The following SPG7 variants were observed in gnomAD, a reference collection of about 807,000 sequenced individuals.
SPG7 encodes mitochondrial inner membrane m-AAA protease component paraplegin.
In SPG7, 103 loss-of-function variants were observed where a neutral mutation model predicts 81.9. The observed-to-expected ratio is 1.26, with a 90% confidence interval of 1.07 to 1.48. The LOEUF is 1.48. Among genes scored for constraint, SPG7 ranks in the 40% most tolerant of loss-of-function variants. The pLI is 0.00. For missense variants in SPG7, 1,241 were observed against 1,087.3 expected, an observed-to-expected ratio of 1.14 and a Z score of -1.99; for synonymous variants, 534 against 444.2, an observed-to-expected ratio of 1.20 and a Z score of -2.54.
intron 2 of SPG7, among the ~76,000 whole-genome samples, chr16:89,511,915 T>A (rs535999287): frequency 6.6e-6 from 1 of 150,668 alleles, no homozygotes; most frequent in Non-Finnish European, 1.5e-5. Flanking sequence ...TGTTGTTGTT[T>A]ATTATTATTT....
intron 15 of SPG7, 23 bp from the exon 16 acceptor site, chr16:89,554,463 G>C: frequency 6.3e-7 from 1 of 1,581,468 alleles, no homozygotes; most frequent in Non-Finnish European, 8.6e-7. Flanking sequence ...CCTTGCCCCT[G>C]ACACAGTTCC....
intron 16 of SPG7, chr16:89,556,075 C>T: frequency 2.5e-6 from 1 of 398,824 alleles, no homozygotes; most frequent in East Asian, 3.6e-5. Flanking sequence ...ACAACGGGAG[C>T]AAAGCTGCAG....
intron 3 of SPG7, 115 bp from the exon 4 acceptor site, chr16:89,523,877 AGTGCAGGATCTTCT>A (rs1294365908): frequency 8.7e-7 from 1 of 1,144,068 alleles, no homozygotes; most frequent in Non-Finnish European, 1.3e-6. Context: ...AATTGGAGGA[AGTGCAGGATCTTCT>A]GTGCAGGACG....
Position 89,553,098 on chromosome 16 carries a change from G to A in SPG7, c.1899G>A (p.Arg633=), listed in dbSNP as rs1325824047. 6.2e-7 allele frequency: 1 copy of A among 1,612,622 alleles called. No homozygotes were observed. Among genetic ancestry groups the A allele is most frequent in the African/African-American group, 1.3e-5 (1 of 74,892 alleles). The change falls in exon 14 of 17, where the codon CGG becomes CGA. Residue 633 remains arginine (R), a synonymous_variant. Coordinates refer to ENST00000645818, the MANE Select transcript of SPG7 (RefSeq NM_003119.4). ...GGATGTGCATGGCCCTGGGAGGACGGGCCTCGGAAGCACTGTCCTTCAACG... is the reference window on the plus strand; with the variant it reads ...GGATGTGCATGGCCCTGGGAGGACGAGCCTCGGAAGCACTGTCCTTCAACG... ...FERMCMALGG[R]ASEALSFNEV...
chr16:89,535,487 G>A (rs571885539), intron 9 of SPG7, among the ~76,000 whole-genome samples: 1 of 152,226 alleles, frequency 6.6e-6, no homozygotes, highest in Non-Finnish European at 1.5e-5. Context: ...CGTGTCTCCA[G>A]TCGTCTCTCA....
intron 3 of SPG7, among the ~76,000 whole-genome samples, chr16:89,513,268 C>G (rs1167471130): frequency 6.6e-6 from 1 of 151,926 alleles, no homozygotes; most frequent in Non-Finnish European, 1.5e-5. Flanking sequence ...GGCGTGGTGG[C>G]TCACACCTGT....
rs761635174 is a variant in SPG7 at position 89,524,008 on chromosome 16, G to A, written c.379G>A (p.Glu127Lys). The change falls in exon 4 of 17, where the codon GAG becomes AAG. Residue 127 changes from glutamate to lysine, a missense_variant and splice_region_variant. Transcript: ENST00000645818. Reference sequence around the variant, plus strand: ...CTTTTGCTTCTCTGCCGGCTCAGAGGAGAGGAGACGCCGTGAGCGGGACGA... The same window carrying A: ...CTTTTGCTTCTCTGCCGGCTCAGAGAAGAGGAGACGCCGTGAGCGGGACGA... ...KGKAPEEDEE[E>K]RRRRERDDQM... 9.9e-6 allele frequency: 16 copies of A among 1,612,322 alleles called. No individual in the cohort carries two copies. The highest frequency in any genetic ancestry group is 1.3e-5 in the Non-Finnish European group (15 of 1,180,020).
chr16:89,511,838 C>T (rs149818286), intron 2 of SPG7, among the ~76,000 whole-genome samples: 242 of 152,296 alleles, frequency 1.6e-3, no homozygotes, highest in African/African-American at 5.3e-3. Flanking sequence ...TCCCACTCAG[C>T]GTCCTGAGTA....
At chr16:89,516,456 C>T (rs935218948) in intron 3 of SPG7, among the ~76,000 whole-genome samples, 2 of 151,796 alleles carry the variant, frequency 1.3e-5, no homozygotes. Context: ...GAGTCTGAGG[C>T]GTGAGCATCG....
In SPG7 at chr16:89,557,180, A is replaced by G. The variant is rs1488202232; in HGVS notation, c.*87A>G. ...GAGTTGCTTTTCAGCTGAGGTTTGC[A>G]CTTCCTCTCGCGGCCCTCAGTAGTC... On this transcript the variant is annotated 3_prime_UTR_variant, in exon 17 of 17. Transcript: ENST00000645818. 7.3e-6 allele frequency: 7 copies of G among 958,746 alleles called. No individual in the cohort carries two copies. Among genetic ancestry groups the G allele is most frequent in the Non-Finnish European group, 1.1e-5 (7 of 609,944 alleles). 59.4% of individuals were successfully genotyped at this position (958,746 alleles called of 1,614,324 possible). A position where few individuals can be genotyped will look rare whatever the true frequency, so the allele number is the denominator to read the frequency against.
chr16:89,524,397 C>G (rs893832395), intron 4 of SPG7, 150 bp downstream of exon 4: 285 of 903,972 alleles, frequency 3.2e-4, no homozygotes, highest in Non-Finnish European at 3.4e-4. Flanking sequence ...ATGCTTCTTT[C>G]TCATGCAGGG....
chr16:89,529,492 G>C lies in SPG7; in HGVS notation c.774G>C (p.Val258=), dbSNP rs752480135. Residue 258 remains valine (V), a synonymous_variant, in exon 6 of 17, where the codon GTG becomes GTC. Coordinates refer to ENST00000645818, the MANE Select transcript of SPG7 (RefSeq NM_003119.4). ...TGFFGNALYS[V]GMTAVGLAIL... ...CTTCCGGCAGTGCCCTGTACTCTGT[G>C]GGGATGACGGCAGTGGGCCTGGCCA... is the stretch of plus-strand genomic sequence containing the variant. 1.2e-6 allele frequency: 2 copies of C among 1,613,170 alleles called. No homozygotes were observed. Among genetic ancestry groups the C allele is most frequent in the South Asian group, 2.2e-5 (2 of 90,924 alleles).
At chr16:89,529,608 A>G in intron 6 of SPG7, 29 bp downstream of exon 6, 4 of 1,490,322 alleles carry the variant, frequency 2.7e-6, no homozygotes, top group Non-Finnish European at 3.7e-6. Flanking sequence ...AGCTCTCTGA[A>G]CTCTTTCTGG....
intron 3 of SPG7, chr16:89,518,742 A>C (rs2058140359): frequency 6.6e-6 from 1 of 152,116 alleles, no homozygotes; most frequent in African/African-American, 2.4e-5. Flanking sequence ...AATTAAAGAG[A>C]TGGAACACAG....
intron 13 of SPG7, 77 bp downstream of exon 13, chr16:89,550,686 C>T: frequency 1.1e-6 from 1 of 938,948 alleles, no homozygotes; most frequent in South Asian, 1.3e-5. Flanking sequence ...CTGTAGCTGA[C>T]TGGGGAGTCC....
intron 6 of SPG7, 145 bp from the exon 7 acceptor site, chr16:89,530,538 C>T (rs1182775147): frequency 1.3e-5 from 11 of 873,002 alleles, no homozygotes; most frequent in African/African-American, 6.6e-5. Flanking sequence ...CTGTGAGCCT[C>T]GTCAGCCTGA....
intron 12 of SPG7, chr16:89,548,651 C>T (rs1471940471): frequency 1.2e-5 from 4 of 333,598 alleles, no homozygotes; most frequent in Non-Finnish European, 2.4e-5. Context: ...TGACGGGTGA[C>T]CGGTGGGCTG....
intron 9 of SPG7, among the ~76,000 whole-genome samples, chr16:89,536,451 C>CGGTGAGGCG (rs543538383): frequency 1.5e-4 from 15 of 100,160 alleles, no homozygotes; most frequent in African/African-American, 4.2e-4. Context: ...TGAGGACTCT[C>CGGTGAGGCG]GGTGAGGCGG....
chr16:89,537,373 A>T, intron 9 of SPG7: 1 of 1,126,602 alleles, frequency 8.9e-7, no homozygotes, highest in Non-Finnish European at 1.1e-6. Flanking sequence ...GAAAGCGTTG[A>T]TGGGGAGCGT....
Sources: gnomAD v4.1 joint callset for allele counts (sites outside exome capture counted in the v4.1 genomes callset) on GRCh38, gnomAD v4.1.1 for gene constraint, MANE v1.5 for transcripts, NCBI Gene and HGNC (gene_info 2026-07-23, HGNC 2026-07-21) for gene names.